The following NGLY1 variants were observed in gnomAD, a reference collection of about 807,000 sequenced individuals.
NGLY1 encodes N-glycanase 1, also known as peptide-N(4)-(N-acetyl-beta-glucosaminyl)asparagine amidase.
In NGLY1, 68 loss-of-function variants were observed where a neutral mutation model predicts 84.6. The ratio of observed to expected loss-of-function variants is 0.80; its 90% CI spans 0.66 to 0.98. The LOEUF (loss-of-function observed/expected upper bound fraction) is 0.98. Ranked by LOEUF, NGLY1 falls within the 50% of genes least tolerant of loss-of-function variation. NGLY1 has a pLI of 0.00. For missense variants in NGLY1, 779 were observed against 770.2 expected (o/e 1.01, Z -0.14); for synonymous variants, 280 against 275.2 (o/e 1.02, Z -0.17).
chr3:25,761,164 C>T lies in NGLY1; in HGVS notation c.492+2902G>A, dbSNP rs1437678608. 2.0e-5 allele frequency among the ~76,000 whole-genome samples: 3 copies of T among 152,058 alleles called. No homozygotes were observed. In the East Asian group the frequency reaches 5.8e-4, roughly 29 times the overall value. On this transcript the variant is annotated intron_variant, in intron 3 of 11. Transcript: ENST00000280700. Reference sequence around the variant, plus strand: ...GTTGATGAAAAGTTCCTAACAATTTCATATACATACTCAAAGTAGTCATGT... The same window carrying T: ...GTTGATGAAAAGTTCCTAACAATTTTATATACATACTCAAAGTAGTCATGT...
At chr3:25,774,084 C>T (rs988166331) in intron 2 of NGLY1, among the ~76,000 whole-genome samples, 3 of 152,150 alleles carry the variant, frequency 2.0e-5, no homozygotes, top group Non-Finnish European at 4.4e-5. Flanking sequence ...TTGGTTTTCT[C>T]GAATTCCAGG....
intron 4 of NGLY1, among the ~76,000 whole-genome samples, chr3:25,741,710 G>A (rs1706157995): frequency 6.6e-6 from 1 of 152,148 alleles, no homozygotes; most frequent in Non-Finnish European, 1.5e-5. Flanking sequence ...TAAATTTCTG[G>A]ACGGGCACGG....
intron 10 of NGLY1, among the ~76,000 whole-genome samples, chr3:25,721,622 G>A (rs1256351235): frequency 7.9e-5 from 12 of 151,550 alleles, no homozygotes; most frequent in East Asian, 1.9e-4. Context: ...GGTGGCAGGC[G>A]CCTGTAGTCC....
rs1240281967 is a variant in NGLY1, at chr3:25,751,246, G to A, written c.510C>T (p.Ala170=). The A allele has an allele frequency of 6.4e-7, 1 of 1,574,088 alleles. No individual in the cohort carries two copies. Residue 170 remains alanine, a synonymous_variant, in exon 4 of 12, where the codon GCC becomes GCT. Coordinates refer to ENST00000280700, the MANE Select transcript of NGLY1 (RefSeq NM_018297.4). ...TGTTGGACTGAAGAACTTCTAGAAT[G>A]GCTGAGTCAGCAGCAACCTAATAGG... ...PSASTVAADS[A]ILEVLQSNIQ...
At chr3:25,788,933 G>A (rs1006058300) in intron 1 of NGLY1, among the ~76,000 whole-genome samples, 1 of 152,178 alleles carries the variant, frequency 6.6e-6, no homozygotes, top group African/African-American at 2.4e-5. Context: ...ACATTCTTCT[G>A]TAGGGGTAGG....
At chr3:25,737,497 A>AT in intron 5 of NGLY1, 42 bp from the exon 6 acceptor site, 1 of 1,485,112 alleles carries the variant, frequency 6.7e-7, no homozygotes, top group South Asian at 1.2e-5. Context: ...CAAAATCAAG[A>AT]TTTTTAAGAG....
At chr3:25,747,822 C>G (rs1391986611) in intron 4 of NGLY1, among the ~76,000 whole-genome samples, 1 of 152,114 alleles carries the variant, frequency 6.6e-6, no homozygotes, top group Non-Finnish European at 1.5e-5. Context: ...CTGGTAAGGA[C>G]ATTTAAATAG....
At chr3:25,729,078 C>G in intron 10 of NGLY1, 55 bp downstream of exon 10, 1 of 1,169,562 alleles carries the variant, frequency 8.6e-7, no homozygotes. Context: ...TGAAGCCAAT[C>G]TATATTTGTT....
intron 4 of NGLY1, among the ~76,000 whole-genome samples, chr3:25,742,347 A>T (rs1307460123): frequency 1.3e-5 from 2 of 152,230 alleles, no homozygotes; most frequent in East Asian, 3.8e-4. Context: ...TATAAATAAT[A>T]GTGTATGTAC....
intron 9 of NGLY1, among the ~76,000 whole-genome samples, chr3:25,731,867 T>C (rs950418553): frequency 1.3e-5 from 2 of 152,064 alleles, no homozygotes; most frequent in African/African-American, 4.8e-5. Flanking sequence ...CAGGCAAAAC[T>C]AATATATGAT....
At chr3:25,746,303 T>TA (rs113406651) in intron 4 of NGLY1, among the ~76,000 whole-genome samples, 6 of 151,436 alleles carry the variant, frequency 4.0e-5, no homozygotes, top group African/African-American at 9.7e-5. Flanking sequence ...TTCATGCCCT[T>TA]AAAAAAAAAT....
intron 10 of NGLY1, among the ~76,000 whole-genome samples, chr3:25,726,972 T>C (rs1287170523): frequency 2.0e-5 from 3 of 152,134 alleles, no homozygotes; most frequent in Non-Finnish European, 2.9e-5. Context: ...AAGAATCTGT[T>C]CTAAAACTCT....
At chr3:25,728,821 GAATA>G (rs1326189767) in intron 10 of NGLY1, among the ~76,000 whole-genome samples, 4 of 152,070 alleles carry the variant, frequency 2.6e-5, no homozygotes, top group African/African-American at 4.8e-5. Context: ...GTATCAAATA[GAATA>G]TATATGTATA....
rs560168036 is a variant in NGLY1, at chr3:25,724,416, T to C, written c.1612-4225A>G. On this transcript the variant is annotated intron_variant, in intron 10 of 11. Transcript: ENST00000280700. ...TCTTGTTTTTGGTTATTCCATTTTA[T>C]GTTGAAAATCAAACATGAATCCACT... Among the ~76,000 whole-genome samples the C allele has an allele frequency of 7.2e-5, 11 of 152,356 alleles. No individual in the cohort carries two copies. In the South Asian group the frequency reaches 1.9e-3, roughly 26 times the overall value.
chr3:25,729,386 C>G, intron 9 of NGLY1, 68 bp from the exon 10 acceptor site: 1 of 1,000,462 alleles, frequency 1.0e-6, no homozygotes, highest in Non-Finnish European at 1.3e-6. Context: ...AGAGAAATTA[C>G]TAAGCAGAGT....
At chr3:25,735,945 CAT>C in intron 7 of NGLY1, 57 bp downstream of exon 7, 1 of 1,396,788 alleles carries the variant, frequency 7.2e-7, no homozygotes, top group Non-Finnish European at 9.7e-7. Context: ...ATGAAGCTGT[CAT>C]AAAAGAAAAA....
intron 4 of NGLY1, among the ~76,000 whole-genome samples, 187 bp downstream of exon 4, chr3:25,750,911 A>G (rs1706707991): frequency 6.6e-6 from 1 of 152,158 alleles, no homozygotes; most frequent in African/African-American, 2.4e-5. Context: ...CCATGTATAT[A>G]AAGAGTTGAC....
intron 8 of NGLY1, among the ~76,000 whole-genome samples, chr3:25,732,985 A>C (rs1016986683): frequency 6.6e-6 from 1 of 152,232 alleles, no homozygotes. Context: ...TCATTTGTCA[A>C]TTATTAAGTG....
chr3:25,778,679 A>G lies in NGLY1; in HGVS notation c.141T>C (p.Asn47=), dbSNP rs1708262079. ...TCCGGATGGATCTATATTTTTCATC[A>G]TTAGGGTTTCTGACAAAAAACAAAA... The part of the protein sequence containing the change: ...TYADNILRNP[N]DEKYRSIRIG... Residue 47 remains asparagine, a synonymous_variant, in exon 2 of 12, where the codon AAT becomes AAC. Coordinates refer to ENST00000280700, the MANE Select transcript of NGLY1 (RefSeq NM_018297.4). 4.4e-6 allele frequency: 7 copies of G among 1,595,246 alleles called. No homozygotes were observed. Among genetic ancestry groups the G allele is most frequent in the Non-Finnish European group, 6.0e-6 (7 of 1,171,824 alleles).
Sources: allele counts gnomAD v4.1 joint callset (sites outside exome capture counted in the v4.1 genomes callset), GRCh38; gene constraint gnomAD v4.1.1; transcripts MANE v1.5; gene names NCBI Gene and HGNC (gene_info 2026-07-23, HGNC 2026-07-21).